SOHLH2: variants seen among roughly 807,000 people sequenced by gnomAD.
The protein encoded by SOHLH2 is spermatogenesis- and oogenesis-specific basic helix-loop-helix-containing protein 2.
SOHLH2 carries 22 observed loss-of-function variants against 50.4 expected under a neutral mutation model. The observed-to-expected ratio is 0.44, with a 90% CI of 0.31 to 0.62. The LOEUF (loss-of-function observed/expected upper bound fraction) is 0.62, where lower values mean the gene tolerates loss of function less well. Ranked by LOEUF, SOHLH2 falls within the 20% of genes least tolerant of loss-of-function variation. SOHLH2 has a pLI of 0.08. For synonymous variants in SOHLH2, 185 were observed against 187.3 expected, an observed-to-expected ratio of 0.99 and a Z score of 0.10; for missense variants, 412 against 504.4, an observed-to-expected ratio of 0.82 and a Z score of 1.76.
At chr13:36,181,476 C>A (rs1271414303) in intron 6 of SOHLH2, among the ~76,000 whole-genome samples, 1 of 152,042 alleles carries the variant, frequency 6.6e-6, no homozygotes, top group Non-Finnish European at 1.5e-5. Flanking sequence ...GGCTTCACAG[C>A]AATGCATTTT....
In SOHLH2 at chr13:36,185,887, C is replaced by T. The variant is rs575091825; in HGVS notation, c.641+4059G>A. 5.4e-4 allele frequency among the ~76,000 whole-genome samples: 82 copies of T among 152,130 alleles called. No individual in the cohort carries two copies. The Middle Eastern group carries it at 0.031, about 57-fold the overall frequency. ...TGAATATGTAATTAAAATTTTCCCA[C>T]GAAGAAAATTCCAAGCCTAGATGAC... On this transcript the variant is annotated intron_variant, in intron 6 of 10. Transcript: ENST00000379881.
intron 6 of SOHLH2, among the ~76,000 whole-genome samples, chr13:36,189,705 AAC>A (rs1450054196): frequency 6.6e-6 from 1 of 152,188 alleles, no homozygotes; most frequent in Non-Finnish European, 1.5e-5. Flanking sequence ...CTAGACTCAG[AAC>A]ACCTTTGAAG....
chr13:36,210,800 A>G (rs1869073155), intron 1 of SOHLH2, among the ~76,000 whole-genome samples: 1 of 152,208 alleles, frequency 6.6e-6, no homozygotes, highest in African/African-American at 2.4e-5. Context: ...TCTATATTCC[A>G]AGAACACAGC....
intron 10 of SOHLH2, among the ~76,000 whole-genome samples, chr13:36,169,536 A>T (rs150463877): frequency 2.0e-5 from 3 of 152,370 alleles, no homozygotes; most frequent in Non-Finnish European, 2.9e-5. Context: ...TCATAAGATC[A>T]TGCACATTAA....
intron 1 of SOHLH2, 41 bp from the exon 2 acceptor site, chr13:36,202,134 T>C: frequency 6.2e-7 from 1 of 1,608,142 alleles, no homozygotes; most frequent in South Asian, 1.1e-5. Flanking sequence ...AATTATTGCC[T>C]AGGCATAGGG....
At chr13:36,212,319 AC>A (rs1171906613) in intron 1 of SOHLH2, among the ~76,000 whole-genome samples, 1 of 152,236 alleles carries the variant, frequency 6.6e-6, no homozygotes, top group Non-Finnish European at 1.5e-5. Flanking sequence ...TCTCTGCTTT[AC>A]AAAATCAGTG....
intron 1 of SOHLH2, among the ~76,000 whole-genome samples, chr13:36,202,494 T>C (rs1868482460): frequency 6.6e-6 from 1 of 152,208 alleles, no homozygotes; most frequent in African/African-American, 2.4e-5. Context: ...TTTATTTTGG[T>C]GAAACACACA....
At chr13:36,191,756 TAAAA>T in intron 5 of SOHLH2, 35 bp downstream of exon 5, 1 of 1,611,262 alleles carries the variant, frequency 6.2e-7, no homozygotes, top group Non-Finnish European at 8.5e-7. Context: ...ATAAGTTCTC[TAAAA>T]ATATTGCTAT....
chr13:36,169,744 C>G (rs1886911402), intron 10 of SOHLH2, among the ~76,000 whole-genome samples: 1 of 152,224 alleles, frequency 6.6e-6, no homozygotes, highest in African/African-American at 2.4e-5. Context: ...GCTGACCCAT[C>G]TGCCAGGACT....
chr13:36,213,861 G>A (rs938426412), intron 1 of SOHLH2, among the ~76,000 whole-genome samples: 27 of 152,140 alleles, frequency 1.8e-4, no homozygotes, highest in African/African-American at 5.5e-4. Context: ...GTGCAGAGAC[G>A]GGAATGCAGG....
chr13:36,207,594 C>T (rs1868856028), intron 1 of SOHLH2, among the ~76,000 whole-genome samples: 1 of 152,154 alleles, frequency 6.6e-6, no homozygotes, highest in Non-Finnish European at 1.5e-5. Flanking sequence ...TTAATATTAG[C>T]ATAGTACTAT....
At chr13:36,176,767 C>G (rs1213193264) in intron 6 of SOHLH2, among the ~76,000 whole-genome samples, 3 of 152,100 alleles carry the variant, frequency 2.0e-5, no homozygotes, top group African/African-American at 7.2e-5. Context: ...AGATGCTCAA[C>G]TAGTATCTGC....
chr13:36,174,720 A>G lies in SOHLH2; in HGVS notation c.789+2T>C, dbSNP rs771583870. 5 of 1,599,740 alleles carry G rather than the reference A, an allele frequency of 3.1e-6. No homozygotes were observed. The South Asian group carries it at 5.7e-5, about 18-fold the overall frequency. ...AAATTCAAAGCTTTGGGAGTCAAAT[A>G]CCTGGGCCATAACGGCTGGAGAGAT... On this transcript the variant is annotated splice_donor_variant, in intron 7 of 10. Coordinates refer to ENST00000379881, the MANE Select transcript of SOHLH2 (RefSeq NM_017826.3). LOFTEE classifies it high-confidence loss of function.
intron 6 of SOHLH2, among the ~76,000 whole-genome samples, chr13:36,181,610 C>T (rs1887258940): frequency 6.6e-6 from 1 of 152,106 alleles, no homozygotes; most frequent in African/African-American, 2.4e-5. Context: ...GTGCATTTAT[C>T]CCACTCATTC....
intron 6 of SOHLH2, among the ~76,000 whole-genome samples, chr13:36,183,465 G>C: frequency 6.6e-6 from 1 of 152,036 alleles, no homozygotes; most frequent in East Asian, 1.9e-4. Flanking sequence ...CAGCTAAAAA[G>C]TCAATGAAAG....
At chr13:36,203,757 G>A (rs1868575056) in intron 1 of SOHLH2, among the ~76,000 whole-genome samples, 1 of 151,944 alleles carries the variant, frequency 6.6e-6, no homozygotes, top group Non-Finnish European at 1.5e-5. Context: ...TTGAATGAAT[G>A]GAGTACCTTT....
At chr13:36,195,253 T>C (rs1887690511) in intron 2 of SOHLH2, among the ~76,000 whole-genome samples, 1 of 152,112 alleles carries the variant, frequency 6.6e-6, no homozygotes, top group Non-Finnish European at 1.5e-5. Flanking sequence ...CCCTTGGTGC[T>C]GGCTAGACAC....
intron 1 of SOHLH2, among the ~76,000 whole-genome samples, chr13:36,211,167 G>A (rs1166744052): frequency 6.6e-6 from 1 of 152,174 alleles, no homozygotes; most frequent in African/African-American, 2.4e-5. Flanking sequence ...CGATCAGGGT[G>A]TATGGCCATA....
chr13:36,206,301 T>A (rs1485326150), intron 1 of SOHLH2, among the ~76,000 whole-genome samples: 2 of 152,064 alleles, frequency 1.3e-5, no homozygotes, highest in African/African-American at 2.4e-5. Context: ...AAGTAGAGGA[T>A]CTAAATTTTC....
Sources: allele counts gnomAD v4.1 joint callset (sites outside exome capture counted in the v4.1 genomes callset), GRCh38; gene constraint gnomAD v4.1.1; transcripts MANE v1.5; gene names NCBI Gene and HGNC (gene_info 2026-07-23, HGNC 2026-07-21).